DPP8: variants seen among roughly 807,000 people sequenced by gnomAD.
DPP8 encodes the protein dipeptidyl peptidase 8, also known as DPP VIII.
In DPP8, 31 loss-of-function variants were observed where a neutral mutation model predicts 107.5. The observed-to-expected ratio is 0.29, with a 90% CI of 0.22 to 0.39. The LOEUF (loss-of-function observed/expected upper bound fraction) is 0.39. DPP8 is among the 10% of genes least tolerant of loss of function. The pLI is 1.00. For synonymous variants in DPP8, 381 were observed against 356.6 expected, an observed-to-expected ratio of 1.07 and a Z score of -0.77; for missense variants, 842 against 1,076.1, an observed-to-expected ratio of 0.78 and a Z score of 3.04.
chr15:65,475,496 G>A (rs938125071), intron 11 of DPP8: 2 of 1,486,202 alleles, frequency 1.3e-6, no homozygotes, highest in Non-Finnish European at 1.9e-6. Context: ...TCCCACATAG[G>A]CCATCACATG....
intron 15 of DPP8, 152 bp from the exon 16 acceptor site, chr15:65,456,523 C>G (rs2064435076): frequency 2.4e-6 from 2 of 831,332 alleles, no homozygotes; most frequent in Non-Finnish European, 3.6e-6. Context: ...ATTAACAAGT[C>G]TGTTTATTTG....
At chr15:65,509,223 G>A (rs1229356299) in intron 2 of DPP8, among the ~76,000 whole-genome samples, 2 of 152,054 alleles carry the variant, frequency 1.3e-5, no homozygotes, top group Non-Finnish European at 2.9e-5. Flanking sequence ...TTAAGACTGT[G>A]GTCACCTATC....
At chr15:65,483,545 G>A (rs192022222) in intron 8 of DPP8, among the ~76,000 whole-genome samples, 108 of 150,578 alleles carry the variant, frequency 7.2e-4, no homozygotes, top group Non-Finnish European at 1.4e-3. Flanking sequence ...AGTAGAGATG[G>A]GGTTTTACCA....
chr15:65,485,065 G>A (rs2067273332), intron 8 of DPP8, 34 bp downstream of exon 8: 3 of 1,532,778 alleles, frequency 2.0e-6, no homozygotes, highest in African/African-American at 1.4e-5. Context: ...TTAGTCAAAT[G>A]ACGCAGAAGG....
chr15:65,487,188 T>C (rs1489416028), intron 7 of DPP8, among the ~76,000 whole-genome samples: 1 of 152,042 alleles, frequency 6.6e-6, no homozygotes, highest in Non-Finnish European at 1.5e-5. Flanking sequence ...TCACTCTTGT[T>C]GCCTAGGCTG....
At chr15:65,457,883 T>A (rs1415417051) in intron 15 of DPP8, among the ~76,000 whole-genome samples, 1 of 152,268 alleles carries the variant, frequency 6.6e-6, no homozygotes, top group East Asian at 1.9e-4. Context: ...AGCCTCGAAC[T>A]CCTGGGCTCA....
chr15:65,473,895 A>C (rs2066139906), intron 12 of DPP8, among the ~76,000 whole-genome samples: 1 of 152,072 alleles, frequency 6.6e-6, no homozygotes, highest in Non-Finnish European at 1.5e-5. Context: ...CAAGGTCAGG[A>C]GTTTGAGACC....
intron 10 of DPP8, 37 bp downstream of exon 10, chr15:65,480,185 A>G (rs896014148): frequency 6.4e-7 from 1 of 1,567,798 alleles, no homozygotes; most frequent in African/African-American, 1.4e-5. Flanking sequence ...TAGCATTCTG[A>G]GAAAATATTT....
chr15:65,451,137 T>C (rs747571523), intron 18 of DPP8, 27 bp from the exon 19 acceptor site: 61 of 1,335,944 alleles, frequency 4.6e-5, no homozygotes, highest in Non-Finnish European at 5.8e-5. Context: ...ATTAGAGGAT[T>C]AGGCAAAATA....
rs2064021346 is a variant in DPP8, at chr15:65,452,078, TG to T, written c.2295del (p.Thr766LeufsTer27). On this transcript the variant is annotated frameshift_variant, in exon 18 of 20. Coordinates refer to ENST00000300141, the MANE Select transcript of DPP8 (RefSeq NM_130434.5). LOFTEE classifies it high-confidence loss of function. Reference sequence around the variant, plus strand: ...CCTGTATCATAGAAGATCCACAGAGTGACTGGGGCCCCAGCAATAGCAACCT... The same window carrying T: ...CCTGTATCATAGAAGATCCACAGAGTACTGGGGCCCCAGCAATAGCAACCT... ...IFRVAIAGAP[V>X]TLWIFYDTGY... 6.2e-7 allele frequency: 1 copy of T among 1,606,366 alleles called. No individual in the cohort carries two copies. The highest frequency in any genetic ancestry group is 8.5e-7 in the Non-Finnish European group (1 of 1,177,274).
intron 4 of DPP8, among the ~76,000 whole-genome samples, chr15:65,498,888 T>C (rs1371230756): frequency 2.6e-5 from 4 of 151,762 alleles, no homozygotes; most frequent in Non-Finnish European, 4.4e-5. Flanking sequence ...CCCTCACCTC[T>C]AAAAAAAATT....
intron 17 of DPP8, among the ~76,000 whole-genome samples, chr15:65,453,563 G>A (rs1262430846): frequency 6.6e-6 from 1 of 152,088 alleles, no homozygotes; most frequent in Admixed American, 6.5e-5. Flanking sequence ...CAGGTCAGGA[G>A]TTCAAGACCA....
chr15:65,487,873 A>C (rs2067594271), intron 6 of DPP8, 55 bp from the exon 7 acceptor site: 4 of 1,215,322 alleles, frequency 3.3e-6, no homozygotes, highest in Non-Finnish European at 3.5e-6. Flanking sequence ...GAGAGTAGTC[A>C]TAACCAACCG....
At chr15:65,474,346 C>T (rs766799896) in intron 11 of DPP8, 58 bp from the exon 12 acceptor site, 2 of 1,262,708 alleles carry the variant, frequency 1.6e-6, no homozygotes, top group Non-Finnish European at 2.3e-6. Flanking sequence ...GCAAATGAAA[C>T]AATTAAGAAC....
intron 12 of DPP8, among the ~76,000 whole-genome samples, chr15:65,468,201 G>GT (rs2050794257): frequency 6.6e-6 from 1 of 152,080 alleles, no homozygotes; most frequent in Non-Finnish European, 1.5e-5. Context: ...CTCAAACAAT[G>GT]TTTAAGAAAA....
chr15:65,509,722 TAAAAG>T (rs1281054467), intron 2 of DPP8, among the ~76,000 whole-genome samples: 1 of 152,146 alleles, frequency 6.6e-6, no homozygotes, highest in Non-Finnish European at 1.5e-5. Flanking sequence ...TGATTTCTTA[TAAAAG>T]AAAAGATTTC....
chr15:65,509,567 T>G (rs2070491385), intron 2 of DPP8, among the ~76,000 whole-genome samples: 1 of 152,228 alleles, frequency 6.6e-6, no homozygotes, highest in Admixed American at 6.5e-5. Flanking sequence ...GAGTCTTGTT[T>G]CTCTTTAGGA....
Position 65,490,207 on chromosome 15 carries a change from A to T in DPP8, c.808T>A (p.Cys270Ser). The change falls in exon 6 of 20, where the codon TGT (cysteine) becomes AGT (serine). Residue 270 changes from cysteine to serine, a missense_variant. Cys to Ser is a moderately radical substitution (Grantham distance 112). This residue lies in a region of DPP8 where 663 missense variants were observed against 758.0 expected (regional missense o/e 0.87). Transcript: ENST00000300141. ...CCCTTACTTGTTTCAGCTTTTGGAC[A>T]CCACCAATAGCCAGAATATCTATCA... ...EFDRYSGYWW[C>S]PKAETTPSGG... is the part of the protein sequence containing the mutation. 1 of 1,601,140 alleles carries T rather than the reference A, an allele frequency of 6.2e-7. No homozygotes were observed. Among genetic ancestry groups the T allele is most frequent in the Non-Finnish European group, 8.6e-7 (1 of 1,168,236 alleles).
chr15:65,453,755 T>A (rs1217866619), intron 17 of DPP8, among the ~76,000 whole-genome samples: 1 of 151,370 alleles, frequency 6.6e-6, no homozygotes, highest in Non-Finnish European at 1.5e-5. Flanking sequence ...AAAACAAACT[T>A]GAGATATATA....
Sources: gnomAD v4.1 joint callset for allele counts (sites outside exome capture counted in the v4.1 genomes callset) on GRCh38, gnomAD v4.1.1 for gene constraint, gnomAD v4.1.1 regional missense constraint, MANE v1.5 for transcripts, NCBI Gene and HGNC (gene_info 2026-07-23, HGNC 2026-07-21) for gene names.